The following AGBL4 variants were observed in gnomAD, a reference collection of about 807,000 sequenced individuals.
AGBL4 encodes the protein cytosolic carboxypeptidase 6.
AGBL4 carries 58 observed loss-of-function variants against 66.4 expected under a neutral mutation model. That is an observed-to-expected ratio of 0.87 (90% CI 0.71 to 1.09). AGBL4 has a LOEUF of 1.09. Among genes scored for constraint, AGBL4 ranks in the 50% least tolerant of loss-of-function variants. The probability of loss-of-function intolerance (pLI) is 0.00; values close to 1 mark genes in which losing one functional copy is unlikely to be tolerated. For synonymous variants in AGBL4, 234 were observed against 222.9 expected, an observed-to-expected ratio of 1.05 and a Z score of -0.44; for missense variants, 579 against 631.0, an observed-to-expected ratio of 0.92 and a Z score of 0.88.
chr1:49,264,619 C>T (rs931173162), intron 3 of AGBL4, among the ~76,000 whole-genome samples: 10 of 151,932 alleles, frequency 6.6e-5, no homozygotes, highest in Admixed American at 1.3e-4. Context: ...TATCGTGGCT[C>T]ACTGCAACCT....
intron 6 of AGBL4, chr1:48,776,954 G>A: frequency 4.1e-6 from 2 of 487,872 alleles, no homozygotes; most frequent in South Asian, 3.5e-5. Context: ...CGGCTCCCCA[G>A]GACCCAGGCT....
intron 4 of AGBL4, among the ~76,000 whole-genome samples, chr1:49,240,057 T>C (rs1474300873): frequency 6.6e-6 from 1 of 152,056 alleles, no homozygotes; most frequent in Non-Finnish European, 1.5e-5. Context: ...TTTTTGTTTT[T>C]AATAATAGAG....
chr1:49,858,644 C>A (rs557986720), intron 1 of AGBL4, among the ~76,000 whole-genome samples: 1 of 152,168 alleles, frequency 6.6e-6, no homozygotes, highest in South Asian at 2.1e-4. Flanking sequence ...TAAAGACCAC[C>A]ATCAAATAGT....
intron 3 of AGBL4, among the ~76,000 whole-genome samples, chr1:49,614,175 C>T (rs13374058): frequency 0.074 from 11,296 of 152,154 alleles, 1,316 homozygotes; most frequent in African/African-American, 0.25. Flanking sequence ...TTTCAAGAAA[C>T]AGAATATAAA....
chr1:49,025,086 C>T (rs750671620), intron 5 of AGBL4, among the ~76,000 whole-genome samples: 9 of 152,176 alleles, frequency 5.9e-5, no homozygotes, highest in Non-Finnish European at 1.3e-4. Flanking sequence ...AGTTAAGGTT[C>T]TAACCTATGT....
chr1:49,996,891 C>T (rs188211786), intron 1 of AGBL4, among the ~76,000 whole-genome samples: 1 of 152,252 alleles, frequency 6.6e-6, no homozygotes, highest in Non-Finnish European at 1.5e-5. Context: ...CTAGAAGGTA[C>T]TGAGGTCCTA....
At chr1:49,558,534 T>G (rs577929991) in intron 3 of AGBL4, among the ~76,000 whole-genome samples, 1 of 152,032 alleles carries the variant, frequency 6.6e-6, no homozygotes, top group African/African-American at 2.4e-5. Flanking sequence ...AGAGATGGGG[T>G]TTCACCATGT....
At chr1:48,663,460 C>G (rs1324393504) in intron 6 of AGBL4, among the ~76,000 whole-genome samples, 1 of 152,174 alleles carries the variant, frequency 6.6e-6, no homozygotes, top group African/African-American at 2.4e-5. Context: ...TACAACTGAT[C>G]ATATTATATT....
At chr1:49,409,718 A>T (rs1436857504) in intron 3 of AGBL4, among the ~76,000 whole-genome samples, 1 of 152,216 alleles carries the variant, frequency 6.6e-6, no homozygotes, top group East Asian at 1.9e-4. Context: ...ATCTATTTCA[A>T]AGGATTTATT....
chr1:49,445,520 G>T (rs1182420013), intron 3 of AGBL4, among the ~76,000 whole-genome samples: 2 of 152,000 alleles, frequency 1.3e-5, no homozygotes, highest in Admixed American at 1.3e-4. Context: ...ATATCACAAA[G>T]GCTTCCTCAT....
chr1:48,733,848 C>A (rs1436274532), intron 6 of AGBL4, among the ~76,000 whole-genome samples: 1 of 152,184 alleles, frequency 6.6e-6, no homozygotes, highest in Non-Finnish European at 1.5e-5. Flanking sequence ...TGAGTGCCTA[C>A]TATGTGCCAG....
intron 2 of AGBL4, among the ~76,000 whole-genome samples, chr1:49,850,579 C>T (rs553960361): frequency 1.3e-5 from 2 of 152,170 alleles, no homozygotes; most frequent in East Asian, 3.9e-4. Flanking sequence ...CAAAGAGCAA[C>T]ACCCTGCATA....
chr1:49,325,476 C>T (rs1303328393), intron 3 of AGBL4, among the ~76,000 whole-genome samples: 4 of 152,144 alleles, frequency 2.6e-5, no homozygotes, highest in Non-Finnish European at 4.4e-5. Flanking sequence ...TGTTATAATA[C>T]CCAGAAGCCA....
chr1:48,720,275 G>A (rs1260817637), intron 6 of AGBL4, among the ~76,000 whole-genome samples: 3 of 152,210 alleles, frequency 2.0e-5, no homozygotes, highest in Non-Finnish European at 4.4e-5. Context: ...GTGCCACAGA[G>A]CAGGGAGAAG....
intron 2 of AGBL4, among the ~76,000 whole-genome samples, chr1:49,810,276 C>G (rs1432107602): frequency 2.6e-5 from 4 of 152,038 alleles, no homozygotes; most frequent in East Asian, 1.9e-4. Flanking sequence ...ATACAAGAAT[C>G]TATTCCAAAT....
intron 3 of AGBL4, among the ~76,000 whole-genome samples, chr1:49,696,642 A>C (rs1007309689): frequency 2.0e-5 from 3 of 152,102 alleles, no homozygotes. Context: ...TCCCCAACAT[A>C]TTTCAGTATG....
intron 6 of AGBL4, among the ~76,000 whole-genome samples, chr1:48,761,662 G>A (rs1644262505): frequency 6.6e-6 from 1 of 152,140 alleles, no homozygotes; most frequent in Non-Finnish European, 1.5e-5. Context: ...TAGGAACAAG[G>A]GTGTTTGCTA....
intron 4 of AGBL4, among the ~76,000 whole-genome samples, chr1:49,221,640 C>A (rs1357580332): frequency 2.0e-5 from 3 of 152,024 alleles, no homozygotes; most frequent in East Asian, 1.9e-4. Context: ...CTCAGAGAAA[C>A]CTTGTGAGGA....
chr1:48,845,643 C>T (rs1646892333), intron 6 of AGBL4, among the ~76,000 whole-genome samples: 1 of 152,216 alleles, frequency 6.6e-6, no homozygotes, highest in South Asian at 2.1e-4. Flanking sequence ...GCATTGTACC[C>T]TTTATTCCTC....
Sources: allele counts gnomAD v4.1 joint callset (sites outside exome capture counted in the v4.1 genomes callset), GRCh38; gene constraint gnomAD v4.1.1; transcripts MANE v1.5; gene names NCBI Gene and HGNC (gene_info 2026-07-23, HGNC 2026-07-21).